SGCD: variants seen among roughly 807,000 people sequenced by gnomAD.
SGCD encodes the protein delta-sarcoglycan.
In SGCD, 18 loss-of-function variants were observed where a neutral mutation model predicts 36.6. The observed-to-expected ratio is 0.49, with a 90% CI of 0.34 to 0.73. The LOEUF is 0.73. Among genes scored for constraint, SGCD ranks in the 30% least tolerant of loss-of-function variants. The pLI is 0.01. For synonymous variants in SGCD, 133 were observed against 130.6 expected (o/e 1.02, Z -0.12); for missense variants, 387 against 346.7 (o/e 1.12, Z -0.92).
chr5:156,534,641 C>T (rs1433109297), intron 4 of SGCD, among the ~76,000 whole-genome samples: 4 of 152,130 alleles, frequency 2.6e-5, no homozygotes, highest in East Asian at 1.9e-4. Context: ...TAGCAAAGTA[C>T]ATGTAATTTA....
rs950137770 is a variant in SGCD at position 156,336,558 on chromosome 5, TG to T, written c.3+6982del. Among the ~76,000 whole-genome samples the T allele has an allele frequency of 7.3e-4, 111 of 152,356 alleles. 1 individual carries two copies. The highest frequency in any genetic ancestry group is 2.6e-3 in the African/African-American group (109 of 41,584). On this transcript the variant is annotated intron_variant, in intron 2 of 8. Transcript: ENST00000337851. ...ATTTTTTTTTAATTTTATGTTTTTA[TG>T]GGACTATCAGTTATGTTAAGTGGAC...
At chr5:156,440,104 A>G (rs1753418032) in intron 3 of SGCD, among the ~76,000 whole-genome samples, 1 of 152,138 alleles carries the variant, frequency 6.6e-6, no homozygotes, top group Non-Finnish European at 1.5e-5. Context: ...ATCCCGAAAG[A>G]AAACCCCATG....
In SGCD at chr5:156,057,589, C is replaced by G. The variant is rs116345757; in HGVS notation, c.-281-60289C>G. On this transcript the variant is annotated intron_variant, in intron 1 of 9. Coordinates refer to the SGCD transcript ENST00000517913. ...GATCATCATTTAGTAAGTCACACTT[C>G]TTGGAGGAATTTCTGACCCAGGTCT... Among the ~76,000 whole-genome samples the G allele has an allele frequency of 6.1e-5, 9 of 146,372 alleles. 2 individuals are homozygous for G. Among genetic ancestry groups the G allele is most frequent in the Non-Finnish European group, 1.4e-4 (9 of 64,868 alleles).
intron 1 of SGCD, among the ~76,000 whole-genome samples, chr5:156,082,535 A>T (rs2127591895): frequency 6.6e-6 from 1 of 152,328 alleles, no homozygotes; most frequent in East Asian, 1.9e-4. Context: ...TGCAGATTCA[A>T]CCAAGTTGTT....
At chr5:156,707,030 G>A (rs157342) in intron 7 of SGCD, among the ~76,000 whole-genome samples, 138,935 of 152,276 alleles carry the variant, frequency 0.91, 63,519 homozygotes, top group East Asian at 0.99. Flanking sequence ...AACAGAAAGT[G>A]ACATGTATTC....
intron 3 of SGCD, among the ~76,000 whole-genome samples, chr5:156,503,066 G>A (rs1756525380): frequency 6.6e-6 from 1 of 152,318 alleles, no homozygotes; most frequent in Middle Eastern, 3.4e-3. Flanking sequence ...TGTTTGAGGT[G>A]AGTTAGCTGC....
At chr5:156,083,173 CA>C (rs2127592053) in intron 1 of SGCD, among the ~76,000 whole-genome samples, 1 of 151,910 alleles carries the variant, frequency 6.6e-6, no homozygotes, top group South Asian at 2.1e-4. Flanking sequence ...ATACTAGTTT[CA>C]TTGGATTGTT....
chr5:156,089,254 T>A (rs563371794), intron 1 of SGCD, among the ~76,000 whole-genome samples: 11 of 152,342 alleles, frequency 7.2e-5, no homozygotes, highest in Non-Finnish European at 1.6e-4. Context: ...TCTACTCTGA[T>A]TTGGAGCAAG....
chr5:156,083,514 C>T (rs7716954), intron 1 of SGCD, among the ~76,000 whole-genome samples: 31,598 of 150,748 alleles, frequency 0.21, 3,581 homozygotes, highest in Middle Eastern at 0.26. Context: ...AGGTTGGTCT[C>T]GAACTCCTGA....
At chr5:155,991,023 G>C (rs1014975343) in intron 1 of SGCD, among the ~76,000 whole-genome samples, 4 of 152,178 alleles carry the variant, frequency 2.6e-5, no homozygotes, top group Non-Finnish European at 5.9e-5. Flanking sequence ...TGGTTCTGGG[G>C]TAGGGCTCAA....
chr5:156,259,134 A>G (rs1287857027), intron 3 of SGCD, among the ~76,000 whole-genome samples: 1 of 150,624 alleles, frequency 6.6e-6, no homozygotes, highest in Non-Finnish European at 1.5e-5. Flanking sequence ...TTATTTATTT[A>G]TTTATTTATT....
At chr5:156,158,020 T>C (rs1053382841) in intron 3 of SGCD, among the ~76,000 whole-genome samples, 1 of 151,446 alleles carries the variant, frequency 6.6e-6, no homozygotes, top group Non-Finnish European at 1.5e-5. Context: ...TCAAAGTTGG[T>C]GATTCAAATG....
chr5:156,259,360 C>T (rs980039374), intron 3 of SGCD, among the ~76,000 whole-genome samples: 1 of 151,802 alleles, frequency 6.6e-6, no homozygotes, highest in African/African-American at 2.4e-5. Flanking sequence ...GTACACAAGT[C>T]TTCCATTAGA....
chr5:156,136,674 C>A lies in SGCD; in HGVS notation c.-44+12655C>A, dbSNP rs904533832. On this transcript the variant is annotated intron_variant, in intron 3 of 9. Transcript: ENST00000517913. ...AGATTCCATATAAGGAAGTGTGTAACCTAAAAGAGAGATTATAGACATAGG... is the reference window on the plus strand; with the variant it reads ...AGATTCCATATAAGGAAGTGTGTAAACTAAAAGAGAGATTATAGACATAGG... 5.3e-5 allele frequency among the ~76,000 whole-genome samples: 8 copies of A among 152,010 alleles called. 1 individual carries two copies. Among genetic ancestry groups the A allele is most frequent in the South Asian group, 4.2e-4 (2 of 4,806 alleles).
At chr5:155,811,064 G>T in the SGCD span, among the ~76,000 whole-genome samples, 1 of 151,676 alleles carries the variant, frequency 6.6e-6, no homozygotes, top group African/African-American at 2.4e-5. Context: ...TGATCCGCCC[G>T]CCTCGGCCTC....
At chr5:156,492,040 G>A (rs899702876) in intron 3 of SGCD, among the ~76,000 whole-genome samples, 2 of 152,064 alleles carry the variant, frequency 1.3e-5, no homozygotes, top group African/African-American at 4.8e-5. Flanking sequence ...TTACCACAAA[G>A]CCTAAAAAAA....
chr5:155,909,399 T>C (rs930202892), intron 1 of SGCD, among the ~76,000 whole-genome samples: 1 of 152,162 alleles, frequency 6.6e-6, no homozygotes, highest in Middle Eastern at 3.2e-3. Flanking sequence ...GCTGTAAATA[T>C]CTATAAATAA....
intron 3 of SGCD, among the ~76,000 whole-genome samples, chr5:156,191,675 C>A (rs1280158927): frequency 6.6e-6 from 1 of 152,074 alleles, no homozygotes; most frequent in Non-Finnish European, 1.5e-5. Context: ...AGTGGCTATA[C>A]AGGTGCACTG....
At chr5:156,476,396 G>T (rs994747802) in intron 3 of SGCD, among the ~76,000 whole-genome samples, 4 of 152,160 alleles carry the variant, frequency 2.6e-5, no homozygotes, top group African/African-American at 9.7e-5. Context: ...ATTTGACAGA[G>T]GAGCTGAGAG....
Sources: allele counts gnomAD v4.1 joint callset (sites outside exome capture counted in the v4.1 genomes callset), GRCh38; gene constraint gnomAD v4.1.1; transcripts MANE v1.5; gene names NCBI Gene and HGNC (gene_info 2026-07-23, HGNC 2026-07-21).